CMKLR1: variants seen among roughly 807,000 people sequenced by gnomAD.
CMKLR1 encodes the protein chemerin chemokine-like receptor 1.
CMKLR1 carries 6 observed loss-of-function variants against 8.2 expected under a neutral mutation model. The ratio of observed to expected loss-of-function variants is 0.73; its 90% CI spans 0.40 to 1.44. The LOEUF is 1.44. Among genes scored for constraint, CMKLR1 ranks in the 40% most tolerant of loss-of-function variants. CMKLR1 has a pLI of 0.02. For synonymous variants in CMKLR1, 178 were observed against 181.2 expected (o/e 0.98, Z 0.14); for missense variants, 429 against 478.0 (o/e 0.90, Z 0.96).
At chr12:108,304,308 A>G (rs1455857511) in intron 2 of CMKLR1, among the ~76,000 whole-genome samples, 1 of 152,140 alleles carries the variant, frequency 6.6e-6, no homozygotes, top group Non-Finnish European at 1.5e-5. Context: ...CCAAGTTCAT[A>G]TGGATCCAGG....
chr12:108,326,413 C>A (rs574945456), intron 2 of CMKLR1, among the ~76,000 whole-genome samples: 2 of 152,228 alleles, frequency 1.3e-5, no homozygotes, highest in African/African-American at 4.8e-5. Context: ...GTTGCAAACA[C>A]CTCAGTGTGA....
chr12:108,307,011 C>T (rs1048135497), intron 2 of CMKLR1, among the ~76,000 whole-genome samples: 1 of 152,158 alleles, frequency 6.6e-6, no homozygotes, highest in Non-Finnish European at 1.5e-5. Flanking sequence ...CCAGCTTGTG[C>T]CTCTCCCCAT....
chr12:108,332,964 G>A (rs917568477), intron 1 of CMKLR1, among the ~76,000 whole-genome samples: 3 of 152,108 alleles, frequency 2.0e-5, no homozygotes, highest in Non-Finnish European at 4.4e-5. Context: ...GACAGAATGA[G>A]ATTTTGTCTC....
chr12:108,293,508 C>T (rs878986000), intron 3 of CMKLR1, 81 bp downstream of exon 3: 28 of 1,461,878 alleles, frequency 1.9e-5, no homozygotes, highest in South Asian at 1.5e-4. Flanking sequence ...AAGTGGACAG[C>T]CTTGTTGTGA....
chr12:108,319,041 C>T (rs1891797385), intron 2 of CMKLR1, among the ~76,000 whole-genome samples: 1 of 152,156 alleles, frequency 6.6e-6, no homozygotes, highest in Non-Finnish European at 1.5e-5. Flanking sequence ...CTCTTTGTAG[C>T]ACTCACATCT....
intron 2 of CMKLR1, among the ~76,000 whole-genome samples, chr12:108,309,462 C>A (rs2137314645): frequency 6.6e-6 from 1 of 151,862 alleles, no homozygotes; most frequent in East Asian, 1.9e-4. Context: ...TTGAGCCCAG[C>A]AGCTTAGGGC....
At chr12:108,311,484 G>C (rs2137318147) in intron 2 of CMKLR1, among the ~76,000 whole-genome samples, 1 of 152,314 alleles carries the variant, frequency 6.6e-6, no homozygotes, top group African/African-American at 2.4e-5. Flanking sequence ...ATTTAGCCAA[G>C]TGTGGTGACA....
At chr12:108,329,456 C>T (rs1021757132) in intron 2 of CMKLR1, among the ~76,000 whole-genome samples, 3 of 152,212 alleles carry the variant, frequency 2.0e-5, no homozygotes, top group Non-Finnish European at 1.5e-5. Context: ...GCTTCCTTCT[C>T]GAAGCACTAT....
At chr12:108,298,600 C>T (rs1891192100) in intron 2 of CMKLR1, among the ~76,000 whole-genome samples, 1 of 152,214 alleles carries the variant, frequency 6.6e-6, no homozygotes, top group Admixed American at 6.5e-5. Flanking sequence ...GGAATTTACC[C>T]TCCCAGTTTT....
At chr12:108,333,770 T>C (rs1892161117) in intron 1 of CMKLR1, among the ~76,000 whole-genome samples, 1 of 152,250 alleles carries the variant, frequency 6.6e-6, no homozygotes, top group Admixed American at 6.5e-5. Context: ...AACATTTCTT[T>C]CTCTGATAGC....
At chr12:108,316,885 C>A (rs1318510198) in intron 2 of CMKLR1, among the ~76,000 whole-genome samples, 3 of 152,228 alleles carry the variant, frequency 2.0e-5, no homozygotes, top group African/African-American at 7.2e-5. Flanking sequence ...GCAGCCTCAA[C>A]CTCCCTGGGC....
chr12:108,311,850 T>A (rs978210728), intron 2 of CMKLR1, among the ~76,000 whole-genome samples: 4 of 152,156 alleles, frequency 2.6e-5, no homozygotes, highest in Non-Finnish European at 5.9e-5. Flanking sequence ...GAAGGACTGC[T>A]GGGGGGACCT....
At chr12:108,326,708 G>A (rs1433560219) in intron 2 of CMKLR1, among the ~76,000 whole-genome samples, 1 of 152,160 alleles carries the variant, frequency 6.6e-6, no homozygotes, top group Non-Finnish European at 1.5e-5. Flanking sequence ...CAGTCTCTGG[G>A]CCTCATCACA....
intron 2 of CMKLR1, among the ~76,000 whole-genome samples, chr12:108,320,016 A>G (rs1313173363): frequency 1.3e-5 from 2 of 152,126 alleles, no homozygotes; most frequent in South Asian, 2.1e-4. Flanking sequence ...ATCATGACAG[A>G]GTAAGCCCAG....
In CMKLR1 at chr12:108,288,390, G is replaced by A. The variant is rs1210644902; in HGVS notation, c.*3451C>T. 6.6e-6 allele frequency: 1 copy of A among 152,216 alleles called. No individual in the cohort carries two copies. The highest frequency in any genetic ancestry group is 1.5e-5 in the Non-Finnish European group (1 of 68,068). The allele number at this position is 152,216 out of a possible 1,614,324, so 9.4% of individuals were successfully genotyped here. A position where few individuals can be genotyped will look rare whatever the true frequency, so the allele number is the denominator to read the frequency against. The stretch of plus-strand genomic sequence containing the variant: ...CTCATCTGTGAAATGGGAGACATCT[G>A]GGCAAGATGAGTTTGAAGGTCCCTT... On this transcript the variant is annotated 3_prime_UTR_variant, in exon 4 of 4. Coordinates refer to ENST00000550402, the MANE Select transcript of CMKLR1 (RefSeq NM_001142343.2).
intron 1 of CMKLR1, among the ~76,000 whole-genome samples, chr12:108,336,576 A>G (rs1001495200): frequency 6.6e-6 from 1 of 152,182 alleles, no homozygotes; most frequent in South Asian, 2.1e-4. Context: ...AACACTCACA[A>G]TTATTCTAAT....
chr12:108,327,781 A>G (rs1363430626), intron 2 of CMKLR1, among the ~76,000 whole-genome samples: 2 of 152,212 alleles, frequency 1.3e-5, no homozygotes, highest in Non-Finnish European at 2.9e-5. Flanking sequence ...GGTGGAACCA[A>G]CGCAAAAGGC....
chr12:108,314,152 A>C (rs1379869222), intron 2 of CMKLR1, among the ~76,000 whole-genome samples: 1 of 152,192 alleles, frequency 6.6e-6, no homozygotes, highest in East Asian at 1.9e-4. Context: ...AAAGAGGCTC[A>C]CTTATACAGG....
chr12:108,301,718 G>A (rs191045273), intron 2 of CMKLR1, among the ~76,000 whole-genome samples: 14 of 152,298 alleles, frequency 9.2e-5, no homozygotes, highest in South Asian at 2.1e-4. Context: ...TTTTACAGAC[G>A]AGGAGACTGA....
Sources: gnomAD v4.1 joint callset for allele counts (sites outside exome capture counted in the v4.1 genomes callset) on GRCh38, gnomAD v4.1.1 for gene constraint, MANE v1.5 for transcripts, NCBI Gene and HGNC (gene_info 2026-07-23, HGNC 2026-07-21) for gene names.